The following AGRN variants were observed in gnomAD, a reference collection of about 807,000 sequenced individuals.
The protein encoded by AGRN is agrin, also known as agrin proteoglycan.
In AGRN, 106 loss-of-function variants were observed where a neutral mutation model predicts 211.0. The observed-to-expected ratio is 0.50, with a 90% confidence interval of 0.43 to 0.59. AGRN has a LOEUF of 0.59. AGRN is among the 20% of genes least tolerant of loss of function. The pLI, the probability that AGRN is intolerant of heterozygous loss-of-function variation, is 0.00. For synonymous variants in AGRN, 1,525 were observed against 1,332.5 expected, an observed-to-expected ratio of 1.14 and a Z score of -3.15; for missense variants, 3,040 against 2,982.6, an observed-to-expected ratio of 1.02 and a Z score of -0.45.
intron 33 of AGRN, 43 bp downstream of exon 33, chr1:1,051,858 C>A: frequency 6.2e-7 from 1 of 1,610,314 alleles, no homozygotes; most frequent in South Asian, 1.1e-5. Flanking sequence ...CATCTGTGCC[C>A]TCGGGGCGGG....
In AGRN at chr1:1,054,658, C is replaced by T. The variant is rs561305439; in HGVS notation, c.5980+107C>T. 222 of 1,488,664 alleles carry T rather than the reference C, an allele frequency of 1.5e-4. 1 individual carries two copies. The highest frequency in any genetic ancestry group is 9.2e-4 in the Admixed American group (47 of 50,940). The allele number at this position is 1,488,664 out of a possible 1,614,324, so 92.2% of individuals were successfully genotyped here. ...CCCTTGAGTCAGGGTGCATGTGAGC[C>T]GGCGGGCTGGGCTCTCTTCTCCCGC... On this transcript the variant is annotated intron_variant, in intron 35 of 35. Transcript: ENST00000379370.
chr1:1,035,205 G>A, intron 2 of AGRN, 72 bp from the exon 3 acceptor site: 1 of 1,557,742 alleles, frequency 6.4e-7, no homozygotes, highest in Admixed American at 1.7e-5. Context: ...CCCCTTTCCA[G>A]GCTGGGCAAA....
At position 1,051,538 on chromosome 1, in the gene AGRN, C is replaced by A. The variant is rs72900459; in HGVS notation, c.5456C>A (p.Thr1819Asn). ...ACGTCCTTTGCAGGTCACCCCTGCA[C>A]CCGGGCCTCAGGCCACCCCTGCCTC... ...DVTSFAGHPC[T>N]RASGHPCLNG... The change falls in exon 32 of 36, where the codon ACC (threonine) becomes AAC (asparagine). Residue 1819 changes from threonine (T) to asparagine (N), a missense_variant. Thr to Asn is a moderately conservative substitution (Grantham distance 65, BLOSUM62 0). Transcript: ENST00000379370. 1 of 1,567,286 alleles carries A rather than the reference C, an allele frequency of 6.4e-7. No individual in the cohort carries two copies. Among genetic ancestry groups the A allele is most frequent in the Non-Finnish European group, 8.6e-7 (1 of 1,156,378 alleles).
chr1:1,034,868 T>C (rs1644763384), intron 2 of AGRN: 11 of 347,756 alleles, frequency 3.2e-5, no homozygotes, highest in East Asian at 7.8e-5. Flanking sequence ...GTCCTTGGGC[T>C]CTCAGTGGGC....
chr1:1,052,122 CG>C, intron 33 of AGRN: 6 of 1,319,188 alleles, frequency 4.5e-6, no homozygotes, highest in Non-Finnish European at 6.1e-6. Flanking sequence ...TCCCTTGTGG[CG>C]GAGGATGGGG....
chr1:1,049,551 C>T lies in AGRN; in HGVS notation c.4515-15C>T. 1 of 1,590,060 alleles carries T rather than the reference C, an allele frequency of 6.3e-7. No individual in the cohort carries two copies. Among genetic ancestry groups the T allele is most frequent in the Non-Finnish European group, 8.5e-7 (1 of 1,169,680 alleles). On this transcript the variant is annotated splice_polypyrimidine_tract_variant and intron_variant, in intron 25 of 35. Transcript: ENST00000379370. ...TGGCCCCTGAGCCCTGACCCGGTGTCCCTCCTGGTGGCAGGGCGCTGGAGC... is the reference window on the plus strand; with the variant it reads ...TGGCCCCTGAGCCCTGACCCGGTGTTCCTCCTGGTGGCAGGGCGCTGGAGC...
In AGRN at chr1:1,045,201, C is replaced by G. The variant is rs1175341384; in HGVS notation, c.2295C>G (p.His765Gln). 1 of 1,612,642 alleles carries G rather than the reference C, an allele frequency of 6.2e-7. No homozygotes were observed. The highest frequency in any genetic ancestry group is 8.5e-7 in the Non-Finnish European group (1 of 1,179,988). ...CGCTGCCGCCTGTGGCCCCCTTACA[C>G]TGTGCCCAGACGCCCTACGGCTGCT... ...FAPLPPVAPL[H>Q]CAQTPYGCCQ... Residue 765 changes from histidine to glutamine, a missense_variant, in exon 13 of 36, where the codon CAC (histidine) becomes CAG (glutamine). His to Gln is a conservative substitution (Grantham distance 24). Around this residue, in one of 3 missense-constraint regions of AGRN, gnomAD observed 1,498 missense variants for 1,457.8 expected, o/e 1.03. Transcript: ENST00000379370.
intron 3 of AGRN, among the ~76,000 whole-genome samples, chr1:1,037,341 C>T (rs879417199): frequency 6.6e-6 from 1 of 152,190 alleles, no homozygotes; most frequent in African/African-American, 2.4e-5. Flanking sequence ...CCCCCTTCAC[C>T]TGGCCACAGC....
chr1:1,048,226 G>GC lies in AGRN; in HGVS notation c.3971dup (p.Ala1325GlyfsTer10). ...CCCCCAGCCGTGTGCCCGGACGTCG[G>GC]CCCCCGGCCCCCCAGCAGCCTCCAA... On this transcript the variant is annotated frameshift_variant, in exon 23 of 36. Transcript: ENST00000379370. LOFTEE classifies it high-confidence loss of function. The surrounding 1 kb of genome is among the most constrained non-coding windows in gnomAD (Gnocchi z 5.9). 1 of 1,545,394 alleles carries GC rather than the reference G, an allele frequency of 6.5e-7. No homozygotes were observed. The highest frequency in any genetic ancestry group is 8.7e-7 in the Non-Finnish European group (1 of 1,144,912).
At chr1:1,022,180 C>G in intron 1 of AGRN, 21 bp from the exon 2 acceptor site, 1 of 1,612,868 alleles carries the variant, frequency 6.2e-7, no homozygotes, top group Non-Finnish European at 8.5e-7. Context: ...CTAATGACAC[C>G]TACCGCCATG....
At position 1,048,162 on chromosome 1, in the gene AGRN, C is replaced by T; in HGVS notation, c.3902C>T (p.Thr1301Ile). The change falls in exon 23 of 36, where the codon ACC becomes ATC. Residue 1301 changes from threonine to isoleucine, a missense_variant. Transcript: ENST00000379370. This position sits in a 1 kb window ranked among gnomAD's most constrained non-coding sequence, Gnocchi z 5.9. ...CACACAAGCCAGCCCGTTGCCAAGA[C>T]CACGGCAGCCCCCACCACACGTCGG... ...PSHTSQPVAK[T>I]TAAPTTRRPP... The T allele has an allele frequency of 1.3e-6, 2 of 1,580,194 alleles. No individual in the cohort carries two copies. Among genetic ancestry groups the T allele is most frequent in the Non-Finnish European group, 1.7e-6 (2 of 1,169,480 alleles).
chr1:1,042,213 T>C, intron 7 of AGRN, 51 bp downstream of exon 7: 1 of 1,542,948 alleles, frequency 6.5e-7, no homozygotes, highest in Non-Finnish European at 8.7e-7. Flanking sequence ...CCTGCGTCAG[T>C]CCCTGCCTGG....
At position 1,048,616 on chromosome 1, in the gene AGRN, C is replaced by T; in HGVS notation, c.4105+251C>T. 1 of 597,112 alleles carries T rather than the reference C, an allele frequency of 1.7e-6. No individual in the cohort carries two copies. The highest frequency in any genetic ancestry group is 2.9e-6 in the Non-Finnish European group (1 of 346,550). 37.0% of individuals were successfully genotyped at this position (597,112 alleles called of 1,614,324 possible). On this transcript the variant is annotated intron_variant, in intron 23 of 35. Transcript: ENST00000379370. The surrounding 1 kb of genome is among the most constrained non-coding windows in gnomAD (Gnocchi z 5.9). ...AGACACTCTGTCTCTACTAAAAATACAAAATTAGCCGGGCGTGGTGGTGGG... is the reference window on the plus strand; with the variant it reads ...AGACACTCTGTCTCTACTAAAAATATAAAATTAGCCGGGCGTGGTGGTGGG...
chr1:1,041,428 C>T lies in AGRN; in HGVS notation c.952+31C>T, dbSNP rs200390296. On this transcript the variant is annotated intron_variant, in intron 5 of 35. Transcript: ENST00000379370. ...CGCGGCGGCGGGCGCACGGCTCGAG[C>T]TCTGTGGGCGCGCGGCGACAGCGTC... 4.8e-4 allele frequency: 751 copies of T among 1,549,324 alleles called. 2 individuals carry two copies. The African/African-American group carries it at 8.1e-3, about 17-fold the overall frequency.
chr1:1,048,747 A>G lies in AGRN; in HGVS notation c.4106-120A>G. 1 of 1,255,114 alleles carries G rather than the reference A, an allele frequency of 8.0e-7. No individual in the cohort carries two copies. The allele number at this position is 1,255,114 out of a possible 1,614,324, so 77.7% of individuals were successfully genotyped here. A position where few individuals can be genotyped will look rare whatever the true frequency, so the allele number is the denominator to read the frequency against. On this transcript the variant is annotated intron_variant, in intron 23 of 35. Coordinates refer to ENST00000379370, the MANE Select transcript of AGRN (RefSeq NM_198576.4). This position sits in a 1 kb window ranked among gnomAD's most constrained non-coding sequence, Gnocchi z 5.9. ...GCGCCACTGCACTCCAGCCGGGGCA[A>G]AAAGAGCAAAACTCCGTCTCAAAAA...
chr1:1,047,590 G>T lies in AGRN; in HGVS notation c.3534G>T (p.Arg1178=), dbSNP rs887971063. The T allele has an allele frequency of 5.0e-6, 8 of 1,612,940 alleles. No homozygotes were observed. The highest frequency in any genetic ancestry group is 1.3e-5 in the African/African-American group (1 of 75,058). ...SIESTLDDLF[R]NSDVKKDFRS... ...TGCCACAGCTGGACGACCTCTTCCG[G>T]AATTCAGACGTCAAGAAGGATTTTC... The change falls in exon 21 of 36, where the codon CGG becomes CGT. Residue 1178 remains arginine, a synonymous_variant. Transcript: ENST00000379370.
At position 1,051,595 on chromosome 1, in the gene AGRN, C is replaced by A. The variant is rs376270407; in HGVS notation, c.5513C>A (p.Ala1838Asp). The A allele has an allele frequency of 1.0e-5, 16 of 1,606,202 alleles. No individual in the cohort carries two copies. The African/African-American group carries it at 2.0e-4, about 20-fold the overall frequency. The change falls in exon 32 of 36, where the codon GCC becomes GAC. Residue 1838 changes from alanine (A) to aspartate (D), a missense_variant. Ala to Asp is a moderately radical substitution (Grantham distance 126). This residue lies in a region of AGRN where 1,537 missense variants were observed against 1,505.0 expected (regional missense o/e 1.02). Coordinates refer to ENST00000379370, the MANE Select transcript of AGRN (RefSeq NM_198576.4). ...GCCTCCTGCGTCCCGAGGGAGGCTG[C>A]CTATGTGTGCCTGTGTCCCGGGGGA... ...NGASCVPREA[A>D]YVCLCPGGFS... is the part of the protein sequence containing the mutation.
rs1453117775 is a variant in AGRN at position 1,041,239 on chromosome 1, G to A, written c.794G>A (p.Gly265Glu). ...FGSTCARSAD[G>E]LTASCLCPAT... ...AGCACCTGTGCGCGCTCGGCCGACG[G>A]GCTGACGGCCTCGTGCCTGTGCCCC... Residue 265 changes from glycine (G) to glutamate (E), a missense_variant, in exon 5 of 36, where the codon GGG becomes GAG. Transcript: ENST00000379370. 12 of 1,489,760 alleles carry A rather than the reference G, an allele frequency of 8.1e-6. No individual in the cohort carries two copies. The highest frequency in any genetic ancestry group is 9.8e-6 in the Non-Finnish European group (11 of 1,126,202). The allele number at this position is 1,489,760 out of a possible 1,614,324, so 92.3% of individuals were successfully genotyped here. A position where few individuals can be genotyped will look rare whatever the true frequency, so the allele number is the denominator to read the frequency against.
At chr1:1,020,629 C>G (rs1239668320) in intron 1 of AGRN, among the ~76,000 whole-genome samples, 2 of 152,204 alleles carry the variant, frequency 1.3e-5, no homozygotes, top group African/African-American at 2.4e-5. Context: ...CGCCCACGGA[C>G]TGCGGCTGCC....
Sources: allele counts gnomAD v4.1 joint callset (sites outside exome capture counted in the v4.1 genomes callset), GRCh38; gene constraint gnomAD v4.1.1; regional missense constraint gnomAD v4.1.1; non-coding constraint Gnocchi (gnomAD v3.1); transcripts MANE v1.5; gene names NCBI Gene and HGNC (gene_info 2026-07-23, HGNC 2026-07-21).